The following TMEM170B variants were observed in gnomAD, a reference collection of about 807,000 sequenced individuals.
TMEM170B encodes the protein transmembrane protein 170B.
A neutral mutation model predicts 13.0 loss-of-function variants in TMEM170B; 6 were observed. That is an observed-to-expected ratio of 0.46 (90% CI 0.25 to 0.91). The LOEUF is 0.91. TMEM170B is among the 40% of genes least tolerant of loss of function. The probability of loss-of-function intolerance (pLI) is 0.17; values close to 1 mark genes in which losing one functional copy is unlikely to be tolerated. For missense variants in TMEM170B, 138 were observed against 165.2 expected (o/e 0.84, Z 0.90); for synonymous variants, 61 against 64.9 (o/e 0.94, Z 0.29).
At chr6:11,560,166 T>C (rs1275868029) in intron 1 of TMEM170B, among the ~76,000 whole-genome samples, 1 of 151,428 alleles carries the variant, frequency 6.6e-6, no homozygotes, top group Non-Finnish European at 1.5e-5. Flanking sequence ...ATTTTTTTAT[T>C]TTTTATTTTT....
chr6:11,565,763 G>T lies in TMEM170B; in HGVS notation c.195G>T (p.Arg65Ser). The part of the protein sequence containing the change: ...VLMFVMLQRH[R>S]QGRVISVIAV... ...TGTTTGTGATGCTGCAGAGGCATAG[G>T]CAGGGAAGAGTCATCTCTGTCATTG... Residue 65 changes from arginine (R) to serine (S), a missense_variant, in exon 2 of 3, where the codon AGG becomes AGT. By Grantham distance (110) the Arg-to-Ser change is moderately radical (BLOSUM62 -1). Coordinates refer to ENST00000379426, the MANE Select transcript of TMEM170B (RefSeq NM_001100829.3). 1.2e-6 allele frequency: 2 copies of T among 1,614,168 alleles called. No individual in the cohort carries two copies. The highest frequency in any genetic ancestry group is 1.7e-6 in the Non-Finnish European group (2 of 1,180,026).
At chr6:11,540,875 T>C (rs1293995627) in intron 1 of TMEM170B, among the ~76,000 whole-genome samples, 1 of 152,218 alleles carries the variant, frequency 6.6e-6, no homozygotes, top group East Asian at 1.9e-4. Context: ...GTGTTAGCAG[T>C]CATGAAAACA....
intron 1 of TMEM170B, among the ~76,000 whole-genome samples, chr6:11,554,120 T>G (rs1173150358): frequency 6.6e-6 from 1 of 152,120 alleles, no homozygotes; most frequent in Non-Finnish European, 1.5e-5. Context: ...TGTATTATAT[T>G]GAGAATTTCA....
At chr6:11,570,198 G>A (rs184025342) in intron 2 of TMEM170B, among the ~76,000 whole-genome samples, 335 of 152,202 alleles carry the variant, frequency 2.2e-3, no homozygotes, top group African/African-American at 7.5e-3. Flanking sequence ...GTTTAAAAAT[G>A]CTTTTCTCAA....
At chr6:11,544,213 A>G (rs1383674066) in intron 1 of TMEM170B, among the ~76,000 whole-genome samples, 1 of 152,198 alleles carries the variant, frequency 6.6e-6, no homozygotes, top group African/African-American at 2.4e-5. Flanking sequence ...CTAATCTGAA[A>G]TTTTGAAATT....
chr6:11,541,690 A>G (rs1200582411), intron 1 of TMEM170B, among the ~76,000 whole-genome samples: 1 of 152,236 alleles, frequency 6.6e-6, no homozygotes, highest in African/African-American at 2.4e-5. Flanking sequence ...GTTTGGTACG[A>G]GAGGCCTAGC....
In TMEM170B at chr6:11,580,743, A is replaced by C. The variant is rs77009896; in HGVS notation, c.*5182A>C. 7,722 of 152,318 alleles carry C rather than the reference A, an allele frequency of 0.051. 272 individuals are homozygous for C. The highest frequency in any genetic ancestry group is 0.095 in the African/African-American group (3,964 of 41,568). 9.4% of individuals were successfully genotyped at this position (152,318 alleles called of 1,614,324 possible). On this transcript the variant is annotated 3_prime_UTR_variant, in exon 3 of 3. Coordinates refer to ENST00000379426, the MANE Select transcript of TMEM170B (RefSeq NM_001100829.3). ...TGATTAAAAATTATAGCATTTGGAGAGGTAACACACAAAAACAAAAACATA... is the reference window on the plus strand; with the variant it reads ...TGATTAAAAATTATAGCATTTGGAGCGGTAACACACAAAAACAAAAACATA...
intron 1 of TMEM170B, among the ~76,000 whole-genome samples, chr6:11,551,908 C>T (rs551364528): frequency 6.6e-6 from 1 of 152,266 alleles, no homozygotes; most frequent in African/African-American, 2.4e-5. Context: ...CCTTGGAAAG[C>T]AAAGATGTTT....
Position 11,538,144 on chromosome 6 carries a change from G to C in TMEM170B, c.-134G>C, listed in dbSNP as rs569298886. 1 of 194,710 alleles carries C rather than the reference G, an allele frequency of 5.1e-6. No individual in the cohort carries two copies. The highest frequency in any genetic ancestry group is 9.7e-6 in the Non-Finnish European group (1 of 102,852). The allele number at this position is 194,710 out of a possible 1,614,324, so 12.1% of individuals were successfully genotyped here. A position where few individuals can be genotyped will look rare whatever the true frequency, so the allele number is the denominator to read the frequency against. On this transcript the variant is annotated 5_prime_UTR_variant, in exon 1 of 3. Coordinates refer to ENST00000379426, the MANE Select transcript of TMEM170B (RefSeq NM_001100829.3). ...TCCGGCTGCAGCAGCAGCAGCGCCC[G>C]GCCCGGCGTCCCGCAGCCTCCACCA...
intron 1 of TMEM170B, among the ~76,000 whole-genome samples, chr6:11,554,544 T>G (rs1168498037): frequency 6.6e-6 from 1 of 152,088 alleles, no homozygotes; most frequent in Non-Finnish European, 1.5e-5. Flanking sequence ...TTTGAACTAT[T>G]TTAAATAGCC....
intron 1 of TMEM170B, among the ~76,000 whole-genome samples, chr6:11,552,827 G>A (rs1227349911): frequency 6.6e-6 from 1 of 152,154 alleles, no homozygotes; most frequent in Non-Finnish European, 1.5e-5. Context: ...CTATGGTATA[G>A]TATGACTGGT....
In TMEM170B at chr6:11,578,147, G is replaced by C. The variant is rs1425761962; in HGVS notation, c.*2586G>C. On this transcript the variant is annotated 3_prime_UTR_variant, in exon 3 of 3. Coordinates refer to ENST00000379426, the MANE Select transcript of TMEM170B (RefSeq NM_001100829.3). ...TAGTGGAAAATTTGTTCAGTGTAAT[G>C]ATCTTTTAAATAGGTTTGAGGATGT... The C allele has an allele frequency of 6.6e-6, 1 of 152,016 alleles. No individual in the cohort carries two copies. Among genetic ancestry groups the C allele is most frequent in the African/African-American group, 2.4e-5 (1 of 41,390 alleles). 9.4% of individuals were successfully genotyped at this position (152,016 alleles called of 1,614,324 possible).
At chr6:11,568,783 C>T (rs957488813) in intron 2 of TMEM170B, among the ~76,000 whole-genome samples, 2 of 152,140 alleles carry the variant, frequency 1.3e-5, no homozygotes, top group Non-Finnish European at 2.9e-5. Flanking sequence ...CTAGTGCACT[C>T]ATAGCTGTAT....
Position 11,583,176 on chromosome 6 carries a change from G to A in TMEM170B, c.*7615G>A, listed in dbSNP as rs2113792751. ...TTCACCATTCTCATTTTCTTCAAAG[G>A]GCAGCAATAAACATATGCAAGTTAT... On this transcript the variant is annotated 3_prime_UTR_variant, in exon 3 of 3. Transcript: ENST00000379426. 1 of 152,140 alleles carries A rather than the reference G, an allele frequency of 6.6e-6. No homozygotes were observed. The highest frequency in any genetic ancestry group is 1.9e-4 in the East Asian group (1 of 5,184). 9.4% of individuals were successfully genotyped at this position (152,140 alleles called of 1,614,324 possible). A position where few individuals can be genotyped will look rare whatever the true frequency, so the allele number is the denominator to read the frequency against.
rs1327238378 is a variant in TMEM170B at position 11,579,444 on chromosome 6, A to AT, written c.*3890dup. 1 of 152,182 alleles carries AT rather than the reference A, an allele frequency of 6.6e-6. No individual in the cohort carries two copies. Among genetic ancestry groups the AT allele is most frequent in the Non-Finnish European group, 1.5e-5 (1 of 68,026 alleles). The allele number at this position is 152,182 out of a possible 1,614,324, so 9.4% of individuals were successfully genotyped here. On this transcript the variant is annotated 3_prime_UTR_variant, in exon 3 of 3. Coordinates refer to ENST00000379426, the MANE Select transcript of TMEM170B (RefSeq NM_001100829.3). ...AAATGATCAACTGATAGTCTCTAGAATTTTTTTAAATTACATTTTGCAATT... is the reference window on the plus strand; with the variant it reads ...AAATGATCAACTGATAGTCTCTAGAATTTTTTTTAAATTACATTTTGCAATT...
At chr6:11,572,490 C>T (rs1051923910) in intron 2 of TMEM170B, among the ~76,000 whole-genome samples, 2 of 151,880 alleles carry the variant, frequency 1.3e-5, no homozygotes, top group Non-Finnish European at 2.9e-5. Flanking sequence ...GAAAGATATC[C>T]TGGCATTTAA....
rs575979457 is a variant in TMEM170B, at chr6:11,542,634, A to G, written c.97+4260A>G. The stretch of plus-strand genomic sequence containing the variant: ...CACTAGTGGTAGAGTGTACCACGTT[A>G]GGAACCACATCTCTTCTCAACAGTG... On this transcript the variant is annotated intron_variant, in intron 1 of 2. Transcript: ENST00000379426. Among the ~76,000 whole-genome samples, 7 of 152,328 alleles carry G rather than the reference A, an allele frequency of 4.6e-5. No individual in the cohort carries two copies. The South Asian group carries it at 1.5e-3, about 32-fold the overall frequency.
chr6:11,556,511 A>G (rs1759592065), intron 1 of TMEM170B, among the ~76,000 whole-genome samples: 1 of 152,114 alleles, frequency 6.6e-6, no homozygotes, highest in South Asian at 2.1e-4. Context: ...ACTTGCTGCT[A>G]GGCTCCTGAG....
At chr6:11,554,142 G>C (rs1174292720) in intron 1 of TMEM170B, among the ~76,000 whole-genome samples, 2 of 152,056 alleles carry the variant, frequency 1.3e-5, no homozygotes, top group East Asian at 3.9e-4. Flanking sequence ...TACAAGTTAT[G>C]CTCGTTGGTG....
Sources: gnomAD v4.1 joint callset for allele counts (sites outside exome capture counted in the v4.1 genomes callset) on GRCh38, gnomAD v4.1.1 for gene constraint, MANE v1.5 for transcripts, NCBI Gene and HGNC (gene_info 2026-07-23, HGNC 2026-07-21) for gene names.